CCDC91: variants seen among roughly 807,000 people sequenced by gnomAD.
The protein encoded by CCDC91 is coiled-coil domain containing 91.
CCDC91 carries 48 observed loss-of-function variants against 63.2 expected under a neutral mutation model. The observed-to-expected ratio is 0.76, with a 90% confidence interval of 0.60 to 0.97. The LOEUF (loss-of-function observed/expected upper bound fraction) is 0.97. Ranked by LOEUF, CCDC91 falls within the 50% of genes least tolerant of loss-of-function variation. CCDC91 has a pLI of 0.00. For missense variants in CCDC91, 500 were observed against 494.6 expected (o/e 1.01, Z -0.10); for synonymous variants, 167 against 165.8 (o/e 1.01, Z -0.06).
intron 1 of CCDC91, chr12:28,256,221 T>G (rs1946431622): frequency 6.6e-6 from 1 of 152,152 alleles, no homozygotes; most frequent in South Asian, 2.1e-4. Flanking sequence ...TGTCATATGG[T>G]CACTTCTGAA....
intron 6 of CCDC91, among the ~76,000 whole-genome samples, chr12:28,332,034 T>C (rs1941560485): frequency 6.6e-6 from 1 of 152,194 alleles, no homozygotes; most frequent in Non-Finnish European, 1.5e-5. Flanking sequence ...AGAAAATACT[T>C]AATGTGATTA....
At chr12:28,409,435 T>C (rs1346731541) in intron 8 of CCDC91, among the ~76,000 whole-genome samples, 1 of 152,154 alleles carries the variant, frequency 6.6e-6, no homozygotes, top group Non-Finnish European at 1.5e-5. Flanking sequence ...AATTGTAATC[T>C]ATGTTTTCTT....
intron 12 of CCDC91, among the ~76,000 whole-genome samples, chr12:28,495,943 A>G (rs1369088609): frequency 6.6e-6 from 1 of 151,626 alleles, no homozygotes; most frequent in Non-Finnish European, 1.5e-5. Context: ...AAAGAATACC[A>G]GCTGAATCTT....
intron 8 of CCDC91, among the ~76,000 whole-genome samples, chr12:28,442,729 A>G (rs1222042317): frequency 6.6e-6 from 1 of 152,130 alleles, no homozygotes; most frequent in Non-Finnish European, 1.5e-5. Flanking sequence ...TAACAATGAG[A>G]AAGTATATAT....
chr12:28,494,458 G>T (rs1447616378), intron 12 of CCDC91, among the ~76,000 whole-genome samples: 1 of 151,654 alleles, frequency 6.6e-6, no homozygotes, highest in African/African-American at 2.4e-5. Flanking sequence ...GCCTATCCTG[G>T]TATATGCAAG....
chr12:28,441,704 T>G (rs1441092923), intron 8 of CCDC91, among the ~76,000 whole-genome samples: 3 of 129,498 alleles, frequency 2.3e-5, no homozygotes, highest in Non-Finnish European at 4.8e-5. Context: ...TATATCTCTC[T>G]CATATATATA....
At chr12:28,305,068 G>T (rs1351170024) in intron 3 of CCDC91, among the ~76,000 whole-genome samples, 4 of 152,194 alleles carry the variant, frequency 2.6e-5, no homozygotes, top group Non-Finnish European at 4.4e-5. Context: ...TGTTACAAAA[G>T]AGACTTTAAT....
At chr12:28,534,149 T>C (rs1941967209) in intron 12 of CCDC91, among the ~76,000 whole-genome samples, 1 of 152,218 alleles carries the variant, frequency 6.6e-6, no homozygotes, top group Non-Finnish European at 1.5e-5. Flanking sequence ...GTTCTAACTA[T>C]GGTTATGCTA....
Position 28,548,981 on chromosome 12 carries a change from G to A in CCDC91, c.1216-82G>A, listed in dbSNP as rs1023152611. 11 of 885,800 alleles carry A rather than the reference G, an allele frequency of 1.2e-5. No homozygotes were observed. In the African/African-American group the frequency reaches 1.5e-4, roughly 12 times the overall value. The allele number at this position is 885,800 out of a possible 1,614,324, so 54.9% of individuals were successfully genotyped here. Reference sequence around the variant, plus strand: ...CTCATCTGGAAAGTTTTTTCTAGTGGGCTTCAGAGACATAATATTCTTTAT... The same window carrying A: ...CTCATCTGGAAAGTTTTTTCTAGTGAGCTTCAGAGACATAATATTCTTTAT... On this transcript the variant is annotated intron_variant, in intron 12 of 12. Coordinates refer to ENST00000536442, the MANE Select transcript of CCDC91 (RefSeq NM_018318.5).
At chr12:28,510,636 A>G (rs1323915511) in intron 12 of CCDC91, among the ~76,000 whole-genome samples, 3 of 151,920 alleles carry the variant, frequency 2.0e-5, no homozygotes, top group Non-Finnish European at 2.9e-5. Context: ...AGACACGCCC[A>G]GAATAATCTT....
chr12:28,339,506 G>A (rs1347530409), intron 6 of CCDC91, among the ~76,000 whole-genome samples: 2 of 150,718 alleles, frequency 1.3e-5, no homozygotes, highest in East Asian at 3.9e-4. Flanking sequence ...AGATTTGATC[G>A]ACTGTGGATC....
intron 1 of CCDC91, among the ~76,000 whole-genome samples, chr12:28,198,392 TAA>T (rs1478203452): frequency 6.6e-6 from 1 of 152,218 alleles, no homozygotes; most frequent in African/African-American, 2.4e-5. Context: ...TAGACATCAG[TAA>T]AAGATAGTGA....
chr12:28,289,051 T>C (rs1949066005), intron 3 of CCDC91, among the ~76,000 whole-genome samples: 1 of 152,142 alleles, frequency 6.6e-6, no homozygotes, highest in South Asian at 2.1e-4. Context: ...TTTCTAATTG[T>C]GTTTATTTGG....
At chr12:28,361,447 A>G (rs1446493492) in intron 6 of CCDC91, among the ~76,000 whole-genome samples, 1 of 151,230 alleles carries the variant, frequency 6.6e-6, no homozygotes, top group Non-Finnish European at 1.5e-5. Context: ...TCATCTTACT[A>G]CTTGTTTCAC....
intron 3 of CCDC91, among the ~76,000 whole-genome samples, chr12:28,261,121 A>G (rs1445449403): frequency 6.6e-6 from 1 of 151,962 alleles, no homozygotes; most frequent in Non-Finnish European, 1.5e-5. Context: ...TTGATTTTTG[A>G]GGTTTCAAGT....
intron 1 of CCDC91, among the ~76,000 whole-genome samples, chr12:28,235,904 T>C (rs1944915713): frequency 6.6e-6 from 1 of 152,108 alleles, no homozygotes; most frequent in Non-Finnish European, 1.5e-5. Context: ...TCATCTGTAA[T>C]CATAAAGGAC....
chr12:28,425,644 C>T (rs1051279479), intron 8 of CCDC91, among the ~76,000 whole-genome samples: 4 of 152,132 alleles, frequency 2.6e-5, no homozygotes, highest in African/African-American at 9.7e-5. Flanking sequence ...TTATTATTAC[C>T]TAATTTTTTA....
At chr12:28,493,709 G>T (rs1952132047) in intron 12 of CCDC91, among the ~76,000 whole-genome samples, 1 of 151,622 alleles carries the variant, frequency 6.6e-6, no homozygotes, top group Admixed American at 6.6e-5. Flanking sequence ...CTTACATATA[G>T]TAACAGTAAT....
chr12:28,538,935 C>T (rs187181227), intron 12 of CCDC91, among the ~76,000 whole-genome samples: 36 of 152,284 alleles, frequency 2.4e-4, no homozygotes, highest in East Asian at 2.3e-3. Flanking sequence ...ACATCCTTCG[C>T]CCACTTTTTG....
Sources: gnomAD v4.1 joint callset for allele counts (sites outside exome capture counted in the v4.1 genomes callset) on GRCh38, gnomAD v4.1.1 for gene constraint, MANE v1.5 for transcripts, NCBI Gene and HGNC (gene_info 2026-07-23, HGNC 2026-07-21) for gene names.